The following KCTD3 variants were observed in gnomAD, a reference collection of about 807,000 sequenced individuals.
KCTD3 encodes BTB/POZ domain-containing protein KCTD3.
Under a neutral mutation model 85.8 loss-of-function variants are expected in KCTD3, and 41 were observed. That is an observed-to-expected ratio of 0.48 (90% CI 0.37 to 0.62). The LOEUF (loss-of-function observed/expected upper bound fraction) is 0.62. KCTD3 is among the 20% of genes least tolerant of loss of function. KCTD3 has a pLI of 0.00. For missense variants in KCTD3, 724 were observed against 989.9 expected (o/e 0.73, Z 3.60); for synonymous variants, 338 against 345.4 (o/e 0.98, Z 0.24).
In KCTD3 at chr1:215,614,027, T is replaced by TGG. The variant is rs1558245457; in HGVS notation, c.1562+2106_1562+2107insGG. 2.6e-4 allele frequency among the ~76,000 whole-genome samples: 34 copies of TGG among 131,404 alleles called. No homozygotes were observed. In the South Asian group the frequency reaches 8.2e-3, roughly 32 times the overall value. 86.2% of individuals were successfully genotyped at this position (131,404 alleles called of 152,430 possible). A position where few individuals can be genotyped will look rare whatever the true frequency, so the allele number is the denominator to read the frequency against. Reference sequence around the variant, plus strand: ...TAGGAACTTTAGAATAGTTTTTTTTTTTTTTTTTTTTTTTTTTTTTTAAGA... The same window carrying TGG: ...TAGGAACTTTAGAATAGTTTTTTTTTGGTTTTTTTTTTTTTTTTTTTTTAAGA... On this transcript the variant is annotated intron_variant, in intron 15 of 17. Transcript: ENST00000259154.
At chr1:215,592,929 T>C (rs961617330) in intron 9 of KCTD3, among the ~76,000 whole-genome samples, 2 of 152,186 alleles carry the variant, frequency 1.3e-5, no homozygotes, top group Non-Finnish European at 2.9e-5. Flanking sequence ...TTGTTTAGCC[T>C]AAGCAGGAGT....
chr1:215,579,741 G>C (rs534358013), intron 7 of KCTD3, among the ~76,000 whole-genome samples, 168 bp from the exon 8 acceptor site: 1 of 152,020 alleles, frequency 6.6e-6, no homozygotes. Context: ...CTCATGATCC[G>C]CCCGCCTCGG....
intron 15 of KCTD3, among the ~76,000 whole-genome samples, chr1:215,616,297 TA>T (rs1338015262): frequency 6.6e-6 from 1 of 152,284 alleles, no homozygotes; most frequent in African/African-American, 2.4e-5. Context: ...TATTTAAAAA[TA>T]AATGTAATTC....
At chr1:215,594,891 A>G (rs1660356845) in intron 9 of KCTD3, among the ~76,000 whole-genome samples, 1 of 152,050 alleles carries the variant, frequency 6.6e-6, no homozygotes, top group Non-Finnish European at 1.5e-5. Context: ...CACATTCTAG[A>G]TAGTTAAGGC....
rs1156788534 is a variant in KCTD3, at chr1:215,620,707, C to T, written c.*89C>T. ...CAGTACATTAGTTTTTACACTAAAA[C>T]TTTACAAGATAAAATTGGACTTCAT... On this transcript the variant is annotated 3_prime_UTR_variant, in exon 18 of 18. Coordinates refer to ENST00000259154, the MANE Select transcript of KCTD3 (RefSeq NM_016121.5). 5.8e-6 allele frequency: 5 copies of T among 869,476 alleles called. No individual in the cohort carries two copies. In the East Asian group the frequency reaches 1.3e-4, roughly 23 times the overall value. The allele number at this position is 869,476 out of a possible 1,614,324, so 53.9% of individuals were successfully genotyped here.
chr1:215,580,103 G>T, intron 8 of KCTD3, 104 bp downstream of exon 8: 1 of 709,102 alleles, frequency 1.4e-6, no homozygotes, highest in Non-Finnish European at 2.4e-6. Context: ...TAGTCATCAA[G>T]TTTTTTCCCT....
chr1:215,586,375 G>A (rs1660008907), intron 8 of KCTD3, 120 bp from the exon 9 acceptor site: 3 of 785,012 alleles, frequency 3.8e-6, no homozygotes, highest in South Asian at 2.0e-5. Flanking sequence ...AGGTGGATGG[G>A]TAACTGTTTA....
intron 14 of KCTD3, 22 bp downstream of exon 14, chr1:215,608,194 C>A: frequency 1.3e-6 from 2 of 1,583,324 alleles, no homozygotes; most frequent in Non-Finnish European, 1.7e-6. Context: ...TATTTTAGGG[C>A]ATTTTTAGGT....
At chr1:215,591,279 C>CTTCTTTCT (rs1278350786) in intron 9 of KCTD3, among the ~76,000 whole-genome samples, 1 of 142,346 alleles carries the variant, frequency 7.0e-6, no homozygotes, top group Non-Finnish European at 1.5e-5. Flanking sequence ...TCTCTCTCTC[C>CTTCTTTCT]TTCCTTCTTT....
chr1:215,590,276 T>G (rs1304971475), intron 9 of KCTD3, among the ~76,000 whole-genome samples: 3 of 152,196 alleles, frequency 2.0e-5, no homozygotes, highest in African/African-American at 7.2e-5. Context: ...CCCTTTTTAA[T>G]GAGGTTGTCA....
At chr1:215,580,962 A>G (rs1452484263) in intron 8 of KCTD3, 1 of 467,668 alleles carries the variant, frequency 2.1e-6, no homozygotes, top group Non-Finnish European at 4.4e-6. Flanking sequence ...GCAGACTTTT[A>G]TGTTTTAAGA....
rs1461534431 is a variant in KCTD3 at position 215,621,769 on chromosome 1, T to G, written c.*1151T>G. 1 of 152,482 alleles carries G rather than the reference T, an allele frequency of 6.6e-6. No homozygotes were observed. Among genetic ancestry groups the G allele is most frequent in the Admixed American group, 6.6e-5 (1 of 15,248 alleles). The allele number at this position is 152,482 out of a possible 1,614,324, so 9.4% of individuals were successfully genotyped here. On this transcript the variant is annotated 3_prime_UTR_variant, in exon 18 of 18. Coordinates refer to ENST00000259154, the MANE Select transcript of KCTD3 (RefSeq NM_016121.5). ...TGGTTTCACAACAGTTCTCTTGTAT[T>G]TATTTATCAATTAAATCAAATAAAA...
chr1:215,583,405 A>T (rs555575155), intron 8 of KCTD3, among the ~76,000 whole-genome samples: 1 of 152,298 alleles, frequency 6.6e-6, no homozygotes, highest in South Asian at 2.1e-4. Flanking sequence ...TTTTAGCATG[A>T]TAATGCATTA....
chr1:215,573,770 T>A lies in KCTD3; in HGVS notation c.84-16T>A. On this transcript the variant is annotated splice_polypyrimidine_tract_variant and intron_variant, in intron 1 of 17. Coordinates refer to ENST00000259154, the MANE Select transcript of KCTD3 (RefSeq NM_016121.5). ...TCATGTTCTCACTTATAATACCAGATGATTTTTAATTGCAGATTTAGTACC... is the reference window on the plus strand; with the variant it reads ...TCATGTTCTCACTTATAATACCAGAAGATTTTTAATTGCAGATTTAGTACC... 6.6e-7 allele frequency: 1 copy of A among 1,506,788 alleles called. No homozygotes were observed. The allele number at this position is 1,506,788 out of a possible 1,614,324, so 93.3% of individuals were successfully genotyped here.
At chr1:215,600,687 T>C (rs934417476) in intron 10 of KCTD3, among the ~76,000 whole-genome samples, 5 of 152,250 alleles carry the variant, frequency 3.3e-5, no homozygotes, top group African/African-American at 1.2e-4. Context: ...AGATAATGTT[T>C]AGATTTTAAC....
Position 215,590,646 on chromosome 1 carries a change from A to T in KCTD3, c.817+3961A>T, listed in dbSNP as rs1201130384. 2.0e-5 allele frequency among the ~76,000 whole-genome samples: 3 copies of T among 152,132 alleles called. No homozygotes were observed. The East Asian group carries it at 5.8e-4, about 29-fold the overall frequency. ...AGTTAAGTTCATCTAGTGAATTTTC[A>T]TCTGAAATGTTGGACTTTTTAGCTC... On this transcript the variant is annotated intron_variant, in intron 9 of 17. Transcript: ENST00000259154.
At chr1:215,592,250 C>T (rs1660253710) in intron 9 of KCTD3, among the ~76,000 whole-genome samples, 1 of 152,120 alleles carries the variant, frequency 6.6e-6, no homozygotes, top group Non-Finnish European at 1.5e-5. Flanking sequence ...ATAGAAAGTA[C>T]TCTTATGCAG....
At position 215,596,657 on chromosome 1, in the gene KCTD3, C is replaced by A. The variant is rs1248448443; in HGVS notation, c.933+1186C>A. Among the ~76,000 whole-genome samples, 6 of 152,064 alleles carry A rather than the reference C, an allele frequency of 3.9e-5. No homozygotes were observed. In the East Asian group the frequency reaches 1.2e-3, roughly 29 times the overall value. ...TGCAGGAAATGAGGAAGTAAAAGAT[C>A]AGAGAAGAGAGACAGCAAATTCAAA... is the stretch of plus-strand genomic sequence containing the variant. On this transcript the variant is annotated intron_variant, in intron 10 of 17. Transcript: ENST00000259154.
At chr1:215,591,791 AACTC>A (rs1304975458) in intron 9 of KCTD3, among the ~76,000 whole-genome samples, 2 of 152,320 alleles carry the variant, frequency 1.3e-5, no homozygotes, top group South Asian at 2.1e-4. Flanking sequence ...TGTATCTACT[AACTC>A]TAGCCTCAAG....
Sources: allele counts gnomAD v4.1 joint callset (sites outside exome capture counted in the v4.1 genomes callset), GRCh38; gene constraint gnomAD v4.1.1; transcripts MANE v1.5; gene names NCBI Gene and HGNC (gene_info 2026-07-23, HGNC 2026-07-21).